Variants in XPR1 observed in about 807,000 individuals in gnomAD.
XPR1 encodes solute carrier family 53 member 1.
XPR1 carries 28 observed loss-of-function variants against 87.5 expected under a neutral mutation model. That is an observed-to-expected ratio of 0.32 (90% CI 0.24 to 0.44). XPR1 has a LOEUF of 0.44. Among genes scored for constraint, XPR1 ranks in the 20% least tolerant of loss-of-function variants. The pLI is 1.00. For synonymous variants in XPR1, 300 were observed against 306.1 expected, an observed-to-expected ratio of 0.98 and a Z score of 0.21; for missense variants, 559 against 862.3, an observed-to-expected ratio of 0.65 and a Z score of 4.41.
intron 1 of XPR1, among the ~76,000 whole-genome samples, chr1:180,640,430 A>G (rs774189319): frequency 1.3e-5 from 2 of 152,240 alleles, no homozygotes; most frequent in Non-Finnish European, 2.9e-5. Context: ...GTTGATAGTA[A>G]TTGTGGATAG....
At chr1:180,779,265 T>C (rs976489618) in intron 2 of XPR1, among the ~76,000 whole-genome samples, 3 of 152,230 alleles carry the variant, frequency 2.0e-5, no homozygotes, top group Non-Finnish European at 4.4e-5. Context: ...TCTATAATTC[T>C]TTGTTTACTT....
rs1334952261 is a variant in XPR1, at chr1:180,880,174, C to T, written c.1907C>T (p.Ala636Val). Residue 636 changes from alanine (A) to valine (V), a missense_variant, in exon 14 of 15, where the codon GCA (alanine) becomes GTA (valine). Physicochemically the swap from Ala to Val is moderately conservative, Grantham distance 64. Coordinates refer to ENST00000367590, the MANE Select transcript of XPR1 (RefSeq NM_004736.4). The part of the protein sequence containing the change: ...VRDISVAPLN[A>V]DDQTLLEQMM... The stretch of plus-strand genomic sequence containing the variant: ...GACATCTCTGTGGCCCCCCTGAACG[C>T]AGATGATCAGACTCTCCTAGAACAG... 6.2e-7 allele frequency: 1 copy of T among 1,614,144 alleles called. No individual in the cohort carries two copies. The highest frequency in any genetic ancestry group is 2.2e-5 in the East Asian group (1 of 44,882).
chr1:180,798,464 A>G (rs1393639554), intron 3 of XPR1, among the ~76,000 whole-genome samples: 1 of 152,188 alleles, frequency 6.6e-6, no homozygotes, highest in African/African-American at 2.4e-5. Context: ...TCAAGGGGTT[A>G]TAATTGGTAT....
chr1:180,828,071 T>C (rs1414571920), intron 9 of XPR1, among the ~76,000 whole-genome samples: 1 of 151,854 alleles, frequency 6.6e-6, no homozygotes, highest in Non-Finnish European at 1.5e-5. Context: ...AGAGATGGGG[T>C]TTTGCCATGT....
chr1:180,736,694 G>A (rs1419629322), intron 2 of XPR1, among the ~76,000 whole-genome samples: 3 of 152,136 alleles, frequency 2.0e-5, no homozygotes, highest in Non-Finnish European at 1.5e-5. Flanking sequence ...CAACAAAATA[G>A]GAACAAGAAA....
intron 12 of XPR1, among the ~76,000 whole-genome samples, chr1:180,872,699 G>T (rs1365396320): frequency 7.0e-6 from 1 of 141,996 alleles, no homozygotes; most frequent in Non-Finnish European, 1.5e-5. Flanking sequence ...CACACACACT[G>T]GCCTGCGCCC....
chr1:180,703,611 A>G (rs1017229768), intron 2 of XPR1, among the ~76,000 whole-genome samples: 1 of 152,172 alleles, frequency 6.6e-6, no homozygotes, highest in Non-Finnish European at 1.5e-5. Flanking sequence ...CAAGGGCAGG[A>G]CTACCCTCAT....
chr1:180,806,641 A>C, intron 6 of XPR1, 84 bp downstream of exon 6: 2 of 1,284,230 alleles, frequency 1.6e-6, no homozygotes, highest in Non-Finnish European at 2.1e-6. Flanking sequence ...TATCTTAAAA[A>C]AATTTTCAGC....
intron 2 of XPR1, among the ~76,000 whole-genome samples, chr1:180,717,998 G>C (rs1658055234): frequency 6.6e-6 from 1 of 152,174 alleles, no homozygotes. Context: ...AAGAATGGTA[G>C]CATGATTACA....
intron 2 of XPR1, among the ~76,000 whole-genome samples, chr1:180,723,703 T>C (rs904371677): frequency 2.6e-5 from 4 of 152,214 alleles, no homozygotes; most frequent in Non-Finnish European, 1.5e-5. Context: ...CTGTCCTTTA[T>C]CTGTTATGCC....
chr1:180,773,464 A>G (rs1558001211), intron 2 of XPR1, among the ~76,000 whole-genome samples: 1 of 152,216 alleles, frequency 6.6e-6, no homozygotes, highest in African/African-American at 2.4e-5. Flanking sequence ...GAGAGTTACT[A>G]TTTTAAGCTA....
At chr1:180,785,311 C>T (rs1424688164) in intron 2 of XPR1, among the ~76,000 whole-genome samples, 1 of 151,818 alleles carries the variant, frequency 6.6e-6, no homozygotes, top group Non-Finnish European at 1.5e-5. Context: ...AGCCACCATG[C>T]CCAACTAATT....
At chr1:180,875,168 C>A (rs1652620607) in intron 13 of XPR1, among the ~76,000 whole-genome samples, 1 of 152,060 alleles carries the variant, frequency 6.6e-6, no homozygotes, top group African/African-American at 2.4e-5. Context: ...AGAAATTAAG[C>A]AGTACATGTC....
chr1:180,751,025 A>G (rs1647515448), intron 2 of XPR1, among the ~76,000 whole-genome samples: 1 of 152,066 alleles, frequency 6.6e-6, no homozygotes, highest in South Asian at 2.1e-4. Flanking sequence ...TGCTGTCATC[A>G]ATGGTAATGG....
At chr1:180,699,713 C>A (rs1657294567) in intron 2 of XPR1, among the ~76,000 whole-genome samples, 1 of 117,856 alleles carries the variant, frequency 8.5e-6, no homozygotes. Flanking sequence ...GATTTATAGT[C>A]CTTTGGGTAT....
chr1:180,799,396 C>T (rs1649701774), intron 3 of XPR1, among the ~76,000 whole-genome samples: 2 of 152,124 alleles, frequency 1.3e-5, no homozygotes, highest in Non-Finnish European at 2.9e-5. Context: ...TCTTGTCTCC[C>T]AACTTTTCTG....
Position 180,873,730 on chromosome 1 carries a change from C to CAT in XPR1, c.1669-70_1669-69dup, listed in dbSNP as rs577867518. On this transcript the variant is annotated intron_variant, in intron 12 of 14. Coordinates refer to ENST00000367590, the MANE Select transcript of XPR1 (RefSeq NM_004736.4). ...ACATGTGTGAGTCTTGTTTGTAGGA[C>CAT]ATATGCTCATTGGTATGCCTATTTA... 3.4e-4 allele frequency: 526 copies of CAT among 1,531,592 alleles called. 8 individuals are homozygous for CAT. In the Admixed American group the frequency reaches 9.1e-3, roughly 27 times the overall value. 94.9% of individuals were successfully genotyped at this position (1,531,592 alleles called of 1,614,324 possible).
At chr1:180,642,431 AAATAATAAAAC>A (rs895032903) in intron 1 of XPR1, among the ~76,000 whole-genome samples, 1 of 152,106 alleles carries the variant, frequency 6.6e-6, no homozygotes, top group African/African-American at 2.4e-5. Context: ...TTTTTTAAAA[AAATAATAAAAC>A]AATAATGAGG....
intron 2 of XPR1, among the ~76,000 whole-genome samples, chr1:180,708,530 G>A (rs9919245): frequency 0.043 from 6,543 of 151,804 alleles, 503 homozygotes; most frequent in African/African-American, 0.15. Context: ...GTAAATTTAC[G>A]TTTCTGGAAG....
Sources: allele counts gnomAD v4.1 joint callset (sites outside exome capture counted in the v4.1 genomes callset), GRCh38; gene constraint gnomAD v4.1.1; transcripts MANE v1.5; gene names NCBI Gene and HGNC (gene_info 2026-07-23, HGNC 2026-07-21).